Variants in PRLR observed in about 807,000 individuals in gnomAD.
PRLR encodes hPRL receptor.
PRLR carries 13 observed loss-of-function variants against 40.2 expected under a neutral mutation model. That is an observed-to-expected ratio of 0.32 (90% CI 0.21 to 0.51). The LOEUF is 0.51. Ranked by LOEUF, PRLR falls within the 20% of genes least tolerant of loss-of-function variation. The probability of loss-of-function intolerance (pLI) is 0.97; values close to 1 mark genes in which losing one functional copy is unlikely to be tolerated. For synonymous variants in PRLR, 269 were observed against 278.7 expected (o/e 0.97, Z 0.35); for missense variants, 656 against 747.3 (o/e 0.88, Z 1.42).
chr5:35,126,574 G>A (rs1462702552), intron 1 of PRLR, among the ~76,000 whole-genome samples: 2 of 152,278 alleles, frequency 1.3e-5, no homozygotes, highest in East Asian at 3.9e-4. Flanking sequence ...TTCACTGGAT[G>A]TGTATAGGAT....
At position 35,189,604 on chromosome 5, in the gene PRLR, A is replaced by G. The variant is rs144239085; in HGVS notation, c.-106+40664T>C. Among the ~76,000 whole-genome samples the G allele has an allele frequency of 3.6e-3, 541 of 151,220 alleles. 3 individuals are homozygous for G. The highest frequency in any genetic ancestry group is 0.013 in the African/African-American group (529 of 41,226). On this transcript the variant is annotated intron_variant, in intron 1 of 9. Coordinates refer to ENST00000618457, the MANE Select transcript of PRLR (RefSeq NM_000949.7). Reference sequence around the variant, plus strand: ...TAAAAAAAAAAAAAAGAAAGTTGTTATGGGGAGTAAATGTGAGAATTCTAA... The same window carrying G: ...TAAAAAAAAAAAAAAGAAAGTTGTTGTGGGGAGTAAATGTGAGAATTCTAA...
Position 35,066,077 on chromosome 5 carries a change from C to G in PRLR, c.881G>C (p.Ser294Thr), listed in dbSNP as rs1170085183. ...LEKGKSEELL[S>T]ALGCQDFPPT... ...AGGAAAGTCTTGGCATCCCAAGGCA[C>G]TCAGTAGTTCTTCAGACTTGCCCTT... The change falls in exon 10 of 10, where the codon AGT (serine) becomes ACT (threonine). Residue 294 changes from serine (S) to threonine (T), a missense_variant. Ser to Thr is a moderately conservative substitution (Grantham distance 58). This residue lies in a region of PRLR where 469 missense variants were observed against 491.5 expected (regional missense o/e 0.95). Transcript: ENST00000618457. The G allele has an allele frequency of 1.2e-6, 2 of 1,613,856 alleles. No individual in the cohort carries two copies. Among genetic ancestry groups the G allele is most frequent in the Non-Finnish European group, 1.7e-6 (2 of 1,179,864 alleles).
chr5:35,156,841 C>T (rs1213982580), intron 1 of PRLR, among the ~76,000 whole-genome samples: 1 of 152,098 alleles, frequency 6.6e-6, no homozygotes, highest in Non-Finnish European at 1.5e-5. Context: ...TGGCCCTAAG[C>T]CCACTTGCAA....
chr5:35,173,776 T>C (rs1476187232), intron 1 of PRLR, among the ~76,000 whole-genome samples: 1 of 152,218 alleles, frequency 6.6e-6, no homozygotes, highest in Non-Finnish European at 1.5e-5. Flanking sequence ...TAAATTATTG[T>C]TTATATGCAT....
At chr5:35,181,019 G>A (rs1775283145) in intron 1 of PRLR, among the ~76,000 whole-genome samples, 1 of 152,132 alleles carries the variant, frequency 6.6e-6, no homozygotes, top group African/African-American at 2.4e-5. Flanking sequence ...GTACATAGTA[G>A]GTATTTAAAC....
intron 1 of PRLR, among the ~76,000 whole-genome samples, chr5:35,144,427 T>A (rs1774117143): frequency 6.6e-6 from 1 of 151,898 alleles, no homozygotes; most frequent in Non-Finnish European, 1.5e-5. Flanking sequence ...AAAATCAAAT[T>A]TTTAAGTAAT....
At chr5:35,121,659 T>A (rs2111732481) in intron 1 of PRLR, among the ~76,000 whole-genome samples, 1 of 152,358 alleles carries the variant, frequency 6.6e-6, no homozygotes, top group South Asian at 2.1e-4. Flanking sequence ...CTAAGAACCT[T>A]ACAGGCATTA....
chr5:35,148,357 C>CA (rs553614700), intron 1 of PRLR, among the ~76,000 whole-genome samples: 33 of 151,872 alleles, frequency 2.2e-4, no homozygotes, highest in Non-Finnish European at 4.1e-4. Flanking sequence ...TGTGTGATGC[C>CA]AATAAAGGGG....
At chr5:35,156,044 C>T (rs962139761) in intron 1 of PRLR, among the ~76,000 whole-genome samples, 1 of 149,448 alleles carries the variant, frequency 6.7e-6, no homozygotes, top group Non-Finnish European at 1.5e-5. Context: ...ACCTGTAATA[C>T]AGTTTATAAG....
intron 1 of PRLR, among the ~76,000 whole-genome samples, chr5:35,138,778 G>A (rs1460474430): frequency 1.3e-5 from 2 of 152,140 alleles, no homozygotes; most frequent in Non-Finnish European, 2.9e-5. Flanking sequence ...GTCACTGTTG[G>A]AGATTACTTT....
chr5:35,072,264 G>T (rs1348157423), intron 6 of PRLR, among the ~76,000 whole-genome samples: 2 of 152,102 alleles, frequency 1.3e-5, no homozygotes, highest in South Asian at 2.1e-4. Flanking sequence ...TACTGAGACT[G>T]CCCCCTCCCA....
chr5:35,118,186 C>T (rs1030037223), intron 1 of PRLR, 64 bp from the exon 2 acceptor site: 65 of 831,886 alleles, frequency 7.8e-5, no homozygotes, highest in Non-Finnish European at 8.3e-5. Flanking sequence ...ATTTCTGGCT[C>T]ACTCTGCAGT....
At chr5:35,200,679 T>A (rs977804417) in intron 1 of PRLR, among the ~76,000 whole-genome samples, 3 of 152,096 alleles carry the variant, frequency 2.0e-5, no homozygotes, top group Non-Finnish European at 4.4e-5. Context: ...AGGGATGTAG[T>A]TTCAGTCCTA....
At chr5:35,224,142 C>T (rs954292903) in intron 1 of PRLR, among the ~76,000 whole-genome samples, 1 of 152,134 alleles carries the variant, frequency 6.6e-6, no homozygotes, top group Non-Finnish European at 1.5e-5. Context: ...GCTCCCCATC[C>T]CTAGAAGAAA....
chr5:35,206,319 T>C lies in PRLR; in HGVS notation c.-106+23949A>G, dbSNP rs570601392. On this transcript the variant is annotated intron_variant, in intron 1 of 9. Transcript: ENST00000618457. ...GGATAAAAGGTGGCGAATCTTAAGA[T>C]ATTAAAATTAAAAAGTAAAAAAATG... Among the ~76,000 whole-genome samples the C allele has an allele frequency of 2.9e-3, 441 of 152,170 alleles. 1 individual carries two copies. Among genetic ancestry groups the C allele is most frequent in the African/African-American group, 0.01 (434 of 41,538 alleles).
intron 1 of PRLR, among the ~76,000 whole-genome samples, chr5:35,182,129 C>T (rs1040978692): frequency 2.0e-5 from 3 of 152,004 alleles, no homozygotes; most frequent in African/African-American, 7.3e-5. Flanking sequence ...CAAATGAAAC[C>T]TTTGTGAAGA....
At chr5:35,154,491 T>C (rs1283996633) in intron 1 of PRLR, among the ~76,000 whole-genome samples, 1 of 152,200 alleles carries the variant, frequency 6.6e-6, no homozygotes, top group Admixed American at 6.5e-5. Context: ...GAAATATTAC[T>C]GACTCTAGTG....
intron 1 of PRLR, among the ~76,000 whole-genome samples, chr5:35,201,649 C>T (rs1775885188): frequency 6.6e-6 from 1 of 152,184 alleles, no homozygotes; most frequent in Admixed American, 6.5e-5. Flanking sequence ...TTTGGAGCAT[C>T]TCAGAGATCT....
At chr5:35,187,961 A>G (rs909524401) in intron 1 of PRLR, among the ~76,000 whole-genome samples, 1 of 152,180 alleles carries the variant, frequency 6.6e-6, no homozygotes, top group African/African-American at 2.4e-5. Flanking sequence ...TGTGGACACA[A>G]ATTCTTCTGG....
Sources: allele counts gnomAD v4.1 joint callset (sites outside exome capture counted in the v4.1 genomes callset), GRCh38; gene constraint gnomAD v4.1.1; regional missense constraint gnomAD v4.1.1; transcripts MANE v1.5; gene names NCBI Gene and HGNC (gene_info 2026-07-23, HGNC 2026-07-21).